COL25A1: variants seen among roughly 807,000 people sequenced by gnomAD.
The protein encoded by COL25A1 is collagen type XXV alpha 1 chain.
Under a neutral mutation model 128.4 loss-of-function variants are expected in COL25A1, and 103 were observed. The ratio of observed to expected loss-of-function variants is 0.80; its 90% CI spans 0.68 to 0.94. The LOEUF is 0.94. Among genes scored for constraint, COL25A1 ranks in the 40% least tolerant of loss-of-function variants. The probability of loss-of-function intolerance (pLI) is 0.00; values close to 1 mark genes in which losing one functional copy is unlikely to be tolerated. For missense variants in COL25A1, 745 were observed against 840.0 expected, an observed-to-expected ratio of 0.89 and a Z score of 1.40; for synonymous variants, 279 against 277.2, an observed-to-expected ratio of 1.01 and a Z score of -0.06.
At chr4:109,294,291 A>T (rs1158634399) in intron 3 of COL25A1, among the ~76,000 whole-genome samples, 3 of 152,106 alleles carry the variant, frequency 2.0e-5, no homozygotes, top group Non-Finnish European at 2.9e-5. Flanking sequence ...AATGAATCAC[A>T]GAATAGTCAT....
chr4:108,836,285 C>A (rs905531705), intron 31 of COL25A1, among the ~76,000 whole-genome samples: 1 of 152,168 alleles, frequency 6.6e-6, no homozygotes, highest in East Asian at 1.9e-4. Flanking sequence ...TTATCAATAG[C>A]CCTAAATTTT....
chr4:109,277,043 C>T (rs1722917660), intron 3 of COL25A1, among the ~76,000 whole-genome samples: 2 of 152,202 alleles, frequency 1.3e-5, no homozygotes, highest in Admixed American at 1.3e-4. Context: ...CCGCCTGGAA[C>T]TGCTCTAGTT....
At position 109,087,601 on chromosome 4, in the gene COL25A1, G is replaced by A. The variant is rs182279886; in HGVS notation, c.368-37422C>T. Among the ~76,000 whole-genome samples the A allele has an allele frequency of 2.9e-3, 435 of 152,226 alleles. 4 individuals carry two copies. The highest frequency in any genetic ancestry group is 9.7e-3 in the African/African-American group (403 of 41,540). On this transcript the variant is annotated intron_variant, in intron 3 of 37. Transcript: ENST00000399132. ...CTCTACTCTATTGAACCACACTTCAGGTTTATTAGAAACATTTAATATACT... is the reference window on the plus strand; with the variant it reads ...CTCTACTCTATTGAACCACACTTCAAGTTTATTAGAAACATTTAATATACT...
intron 4 of COL25A1, among the ~76,000 whole-genome samples, chr4:109,048,420 CCTGT>C (rs1372855098): frequency 6.6e-6 from 1 of 151,990 alleles, no homozygotes; most frequent in African/African-American, 2.4e-5. Context: ...TTCCCTGAAG[CCTGT>C]CTATGAATTA....
intron 3 of COL25A1, among the ~76,000 whole-genome samples, chr4:109,074,592 T>C (rs1197682721): frequency 2.0e-5 from 3 of 152,204 alleles, no homozygotes; most frequent in Non-Finnish European, 4.4e-5. Context: ...ATGAAATTTA[T>C]ATAGGCAGTT....
chr4:109,187,089 T>C (rs1775205796), intron 3 of COL25A1, among the ~76,000 whole-genome samples: 1 of 152,168 alleles, frequency 6.6e-6, no homozygotes, highest in Admixed American at 6.6e-5. Flanking sequence ...ATTTTCAAAA[T>C]ATTAATACTT....
rs752678335 is a variant in COL25A1, at chr4:108,810,968, A to G, written c.*2959T>C. The stretch of plus-strand genomic sequence containing the variant: ...AAAAACAATTTTAAATCTAAAACAC[A>G]TATCAATTTGCTATCCTTCAATGTT... On this transcript the variant is annotated 3_prime_UTR_variant, in exon 38 of 38. Coordinates refer to ENST00000399132, the MANE Select transcript of COL25A1 (RefSeq NM_198721.4). 6.6e-6 allele frequency: 1 copy of G among 152,076 alleles called. No individual in the cohort carries two copies. Among genetic ancestry groups the G allele is most frequent in the Non-Finnish European group, 1.5e-5 (1 of 67,908 alleles). 9.4% of individuals were successfully genotyped at this position (152,076 alleles called of 1,614,324 possible).
At chr4:109,143,506 A>G (rs1443555868) in intron 3 of COL25A1, among the ~76,000 whole-genome samples, 2 of 152,164 alleles carry the variant, frequency 1.3e-5, no homozygotes, top group Non-Finnish European at 1.5e-5. Flanking sequence ...GTGTCTTCCA[A>G]CTTGATTCCA....
intron 3 of COL25A1, among the ~76,000 whole-genome samples, chr4:109,072,673 G>T (rs185373180): frequency 2.2e-4 from 33 of 152,246 alleles, no homozygotes; most frequent in African/African-American, 7.7e-4. Flanking sequence ...AGAACCTTCT[G>T]CAAGTTTTCT....
intron 3 of COL25A1, among the ~76,000 whole-genome samples, chr4:109,122,926 ACAAT>A (rs1274959629): frequency 2.6e-5 from 4 of 152,102 alleles, no homozygotes; most frequent in African/African-American, 9.7e-5. Flanking sequence ...AAGTATAAAG[ACAAT>A]CAAGACTTGT....
At chr4:108,906,722 A>G (rs896110156) in intron 13 of COL25A1, among the ~76,000 whole-genome samples, 2 of 152,132 alleles carry the variant, frequency 1.3e-5, no homozygotes, top group Non-Finnish European at 2.9e-5. Context: ...TGACAACCCT[A>G]TTTTCCACTC....
chr4:109,063,690 C>T (rs1459453788), intron 3 of COL25A1, among the ~76,000 whole-genome samples: 1 of 152,018 alleles, frequency 6.6e-6, no homozygotes, highest in African/African-American at 2.4e-5. Context: ...AATAATACAG[C>T]ATAAACACAG....
intron 6 of COL25A1, among the ~76,000 whole-genome samples, chr4:108,986,093 C>T (rs1753645883): frequency 1.3e-5 from 2 of 152,108 alleles, no homozygotes; most frequent in African/African-American, 4.8e-5. Flanking sequence ...CCACAAAATC[C>T]CTTGAATCTA....
chr4:109,071,841 C>T (rs936307702), intron 3 of COL25A1, among the ~76,000 whole-genome samples: 1 of 152,196 alleles, frequency 6.6e-6, no homozygotes, highest in African/African-American at 2.4e-5. Flanking sequence ...CACTTTTACA[C>T]TGTTGGTGGG....
chr4:108,941,091 T>C (rs537155439), intron 9 of COL25A1, among the ~76,000 whole-genome samples: 88 of 152,330 alleles, frequency 5.8e-4, no homozygotes, highest in African/African-American at 2.1e-3. Context: ...TTACCAAATC[T>C]AGAGAGCTTA....
rs970358017 is a variant in COL25A1, at chr4:109,251,204, A to G, written c.367+49379T>C. Among the ~76,000 whole-genome samples, 3 of 152,182 alleles carry G rather than the reference A, an allele frequency of 2.0e-5. No homozygotes were observed. The East Asian group carries it at 5.8e-4, about 29-fold the overall frequency. On this transcript the variant is annotated intron_variant, in intron 3 of 37. Transcript: ENST00000399132. ...ATTCATAACAAAATAAAGAGGAAAT[A>G]GGATAACTATAATTCTTGTTTTTGT...
chr4:109,107,657 C>T (rs183820936), intron 3 of COL25A1, among the ~76,000 whole-genome samples: 243 of 152,166 alleles, frequency 1.6e-3, no homozygotes, highest in Non-Finnish European at 2.9e-3. Flanking sequence ...ATAAAATAGA[C>T]GGAGAAATTA....
intron 24 of COL25A1, among the ~76,000 whole-genome samples, chr4:108,853,753 G>A (rs563042055): frequency 6.6e-6 from 1 of 151,944 alleles, no homozygotes; most frequent in African/African-American, 2.4e-5. Context: ...ACTTATGAGT[G>A]AGAATATGTG....
intron 33 of COL25A1, among the ~76,000 whole-genome samples, chr4:108,826,292 C>T (rs1219166557): frequency 6.6e-6 from 1 of 152,278 alleles, no homozygotes; most frequent in East Asian, 1.9e-4. Flanking sequence ...AAATCGAGCA[C>T]TTTGAGAGGC....
Sources: allele counts gnomAD v4.1 joint callset (sites outside exome capture counted in the v4.1 genomes callset), GRCh38; gene constraint gnomAD v4.1.1; transcripts MANE v1.5; gene names NCBI Gene and HGNC (gene_info 2026-07-23, HGNC 2026-07-21).